The following KCNB2 variants were observed in gnomAD, a reference collection of about 807,000 sequenced individuals.
The protein encoded by KCNB2 is potassium voltage-gated channel subfamily B member 2.
Under a neutral mutation model 61.5 loss-of-function variants are expected in KCNB2, and 15 were observed. That is an observed-to-expected ratio of 0.24 (90% CI 0.16 to 0.38). The LOEUF is 0.38. KCNB2 is among the 10% of genes least tolerant of loss of function. The pLI, the probability that KCNB2 is intolerant of heterozygous loss-of-function variation, is 1.00. For missense variants in KCNB2, 828 were observed against 1,125.2 expected (o/e 0.74, Z 3.78); for synonymous variants, 457 against 446.0 (o/e 1.02, Z -0.31).
chr8:72,587,827 G>T (rs545186326), intron 2 of KCNB2, among the ~76,000 whole-genome samples: 1 of 152,126 alleles, frequency 6.6e-6, no homozygotes, highest in African/African-American at 2.4e-5. Flanking sequence ...AGTTGTTAAG[G>T]TTATTACATC....
chr8:72,725,430 C>T (rs1245848253), intron 2 of KCNB2, among the ~76,000 whole-genome samples: 6 of 150,202 alleles, frequency 4.0e-5, no homozygotes, highest in African/African-American at 9.8e-5. Context: ...TTAGGGAAGT[C>T]GGCTCTCTCT....
At chr8:72,543,888 G>A (rs1806224233) in intron 1 of KCNB2, among the ~76,000 whole-genome samples, 1 of 152,156 alleles carries the variant, frequency 6.6e-6, no homozygotes, top group South Asian at 2.1e-4. Flanking sequence ...TCTACTGTGT[G>A]GGTGGCTATT....
intron 2 of KCNB2, among the ~76,000 whole-genome samples, chr8:72,917,852 C>A (rs1806432206): frequency 6.6e-6 from 1 of 152,100 alleles, no homozygotes; most frequent in South Asian, 2.1e-4. Context: ...ATCTGACTCT[C>A]ATAGTGATAT....
intron 2 of KCNB2, among the ~76,000 whole-genome samples, chr8:72,748,137 T>A (rs1451138265): frequency 6.6e-6 from 1 of 152,196 alleles, no homozygotes; most frequent in Non-Finnish European, 1.5e-5. Flanking sequence ...GCAATATAAT[T>A]TAAAAGTGGA....
chr8:72,748,721 CTCTT>C (rs1808128420), intron 2 of KCNB2, among the ~76,000 whole-genome samples: 1 of 146,756 alleles, frequency 6.8e-6, no homozygotes, highest in African/African-American at 2.5e-5. Flanking sequence ...AATTTATTTA[CTCTT>C]TCTTATTTTT....
intron 2 of KCNB2, among the ~76,000 whole-genome samples, chr8:72,824,849 C>G (rs1362514649): frequency 1.3e-5 from 2 of 152,170 alleles, no homozygotes; most frequent in African/African-American, 4.8e-5. Flanking sequence ...GTCCCCCACT[C>G]TCTACTCTGC....
chr8:72,820,988 AG>A (rs1809488644), intron 2 of KCNB2, among the ~76,000 whole-genome samples: 1 of 152,074 alleles, frequency 6.6e-6, no homozygotes, highest in Non-Finnish European at 1.5e-5. Context: ...AATCTGCTAA[AG>A]TTTTTTTTAC....
chr8:72,618,441 A>G (rs1010877230), intron 2 of KCNB2, among the ~76,000 whole-genome samples: 1 of 152,228 alleles, frequency 6.6e-6, no homozygotes, highest in Non-Finnish European at 1.5e-5. Flanking sequence ...AATAAACATA[A>G]ATTTTTATTA....
chr8:72,607,341 C>G (rs1173952627), intron 2 of KCNB2, among the ~76,000 whole-genome samples: 1 of 151,930 alleles, frequency 6.6e-6, no homozygotes, highest in Non-Finnish European at 1.5e-5. Flanking sequence ...CCATCCTTCT[C>G]AAGAATGATT....
intron 2 of KCNB2, among the ~76,000 whole-genome samples, chr8:72,717,606 C>T (rs1275991085): frequency 6.6e-6 from 1 of 152,026 alleles, no homozygotes; most frequent in Admixed American, 6.5e-5. Flanking sequence ...AACTGGCTAG[C>T]CATATGTAGA....
chr8:72,651,674 G>C (rs1339164878), intron 2 of KCNB2, among the ~76,000 whole-genome samples: 1 of 151,802 alleles, frequency 6.6e-6, no homozygotes, highest in Admixed American at 6.6e-5. Flanking sequence ...TTTGAAAAAT[G>C]CTCCTATTTT....
At chr8:72,540,872 T>C (rs866398150) in intron 1 of KCNB2, among the ~76,000 whole-genome samples, 1 of 152,050 alleles carries the variant, frequency 6.6e-6, no homozygotes, top group African/African-American at 2.4e-5. Flanking sequence ...TAGCCACTCA[T>C]TGACTCATTC....
chr8:72,871,476 C>T (rs115126117), intron 2 of KCNB2, among the ~76,000 whole-genome samples: 27 of 152,280 alleles, frequency 1.8e-4, no homozygotes, highest in African/African-American at 5.8e-4. Flanking sequence ...ATAAATATAA[C>T]TTTTGCCAGC....
intron 2 of KCNB2, among the ~76,000 whole-genome samples, chr8:72,689,829 T>C (rs1365824697): frequency 1.3e-5 from 2 of 152,182 alleles, no homozygotes; most frequent in African/African-American, 4.8e-5. Context: ...CTTTTTGTGC[T>C]AAGAACTTTG....
At chr8:72,926,694 G>A (rs752613623) in intron 2 of KCNB2, among the ~76,000 whole-genome samples, 3 of 152,054 alleles carry the variant, frequency 2.0e-5, no homozygotes, top group Non-Finnish European at 2.9e-5. Context: ...AATCTTCCTG[G>A]TAAATTTTAT....
At chr8:72,875,485 A>G (rs1374942002) in intron 2 of KCNB2, among the ~76,000 whole-genome samples, 3 of 150,402 alleles carry the variant, frequency 2.0e-5, no homozygotes, top group Admixed American at 1.3e-4. Context: ...GATCAGATGT[A>G]TGATCATTTT....
chr8:72,896,574 T>C (rs151160473), intron 2 of KCNB2, among the ~76,000 whole-genome samples: 459 of 152,268 alleles, frequency 3.0e-3, no homozygotes, highest in Non-Finnish European at 5.0e-3. Context: ...TCTGTGTAAA[T>C]ATACAAAGGT....
intron 2 of KCNB2, among the ~76,000 whole-genome samples, chr8:72,640,589 T>G (rs149904936): frequency 7.9e-5 from 12 of 152,192 alleles, no homozygotes; most frequent in African/African-American, 2.6e-4. Context: ...GAATATTGAT[T>G]TTTTTAGAAA....
chr8:72,700,450 A>T lies in KCNB2; in HGVS notation c.579+132137A>T, dbSNP rs550378250. Among the ~76,000 whole-genome samples, 6 of 152,262 alleles carry T rather than the reference A, an allele frequency of 3.9e-5. No homozygotes were observed. The South Asian group carries it at 1.2e-3, about 32-fold the overall frequency. ...GAAGACAGACAAGTGGCCAATAAAC[A>T]TATGAAAAAACGTTCAACATCACTA... On this transcript the variant is annotated intron_variant, in intron 2 of 2. Coordinates refer to ENST00000523207, the MANE Select transcript of KCNB2 (RefSeq NM_004770.3).
Sources: gnomAD v4.1 joint callset for allele counts (sites outside exome capture counted in the v4.1 genomes callset) on GRCh38, gnomAD v4.1.1 for gene constraint, MANE v1.5 for transcripts, NCBI Gene and HGNC (gene_info 2026-07-23, HGNC 2026-07-21) for gene names.